The following DOK6 variants were observed in gnomAD, a reference collection of about 807,000 sequenced individuals.
DOK6 encodes the protein docking protein 6.
A neutral mutation model predicts 44.0 loss-of-function variants in DOK6; 22 were observed. That is an observed-to-expected ratio of 0.50 (90% CI 0.36 to 0.71). The LOEUF (loss-of-function observed/expected upper bound fraction) is 0.71, where lower values mean the gene tolerates loss of function less well. Among genes scored for constraint, DOK6 ranks in the 30% least tolerant of loss-of-function variants. The pLI is 0.00. For synonymous variants in DOK6, 166 were observed against 145.5 expected, an observed-to-expected ratio of 1.14 and a Z score of -1.01; for missense variants, 340 against 416.4, an observed-to-expected ratio of 0.82 and a Z score of 1.60.
At chr18:69,490,031 A>G (rs930556284) in intron 1 of DOK6, among the ~76,000 whole-genome samples, 9 of 152,186 alleles carry the variant, frequency 5.9e-5, no homozygotes, top group African/African-American at 2.2e-4. Context: ...TTACATATTC[A>G]GAAGACATGC....
intron 1 of DOK6, among the ~76,000 whole-genome samples, chr18:69,460,001 T>A (rs2122473081): frequency 6.6e-6 from 1 of 152,348 alleles, no homozygotes; most frequent in African/African-American, 2.4e-5. Context: ...CCAATTTATC[T>A]CATTAGTCGT....
chr18:69,585,542 C>A (rs1223822553), intron 2 of DOK6, among the ~76,000 whole-genome samples: 2 of 152,140 alleles, frequency 1.3e-5, no homozygotes, highest in African/African-American at 4.8e-5. Flanking sequence ...ACTTCCATAT[C>A]TTTGCTTATG....
At chr18:69,693,958 C>A (rs568950669) in intron 4 of DOK6, among the ~76,000 whole-genome samples, 2,409 of 144,260 alleles carry the variant, frequency 0.017, 34 homozygotes, top group Non-Finnish European at 0.026. Context: ...ACTCGGGAGG[C>A]TGAGGCAGGA....
intron 1 of DOK6, among the ~76,000 whole-genome samples, chr18:69,545,240 C>T (rs1302883541): frequency 6.6e-6 from 1 of 150,972 alleles, no homozygotes; most frequent in African/African-American, 2.4e-5. Context: ...AAGCTGGGAA[C>T]TTGAAGGGTG....
chr18:69,563,186 C>T (rs1982881633), intron 1 of DOK6, among the ~76,000 whole-genome samples: 1 of 152,232 alleles, frequency 6.6e-6, no homozygotes, highest in South Asian at 2.1e-4. Context: ...AATAGGAACA[C>T]TTTTACACTG....
chr18:69,594,549 A>G (rs1252942672), intron 2 of DOK6, among the ~76,000 whole-genome samples: 1 of 150,940 alleles, frequency 6.6e-6, no homozygotes, highest in Non-Finnish European at 1.5e-5. Context: ...CACCCCTCCT[A>G]TTCTACATAG....
At chr18:69,694,887 T>G (rs575747894) in intron 4 of DOK6, among the ~76,000 whole-genome samples, 3 of 152,212 alleles carry the variant, frequency 2.0e-5, no homozygotes, top group Non-Finnish European at 4.4e-5. Flanking sequence ...AATACACATA[T>G]CTTGATAAAT....
chr18:69,443,187 GGTT>G (rs1979184339), intron 1 of DOK6, among the ~76,000 whole-genome samples: 1 of 152,130 alleles, frequency 6.6e-6, no homozygotes, highest in South Asian at 2.1e-4. Flanking sequence ...TGACGTTCCA[GGTT>G]GTTAATTTGA....
At chr18:69,515,563 T>A (rs1013890571) in intron 1 of DOK6, among the ~76,000 whole-genome samples, 2 of 152,228 alleles carry the variant, frequency 1.3e-5, no homozygotes, top group Non-Finnish European at 2.9e-5. Flanking sequence ...TTTAATATTA[T>A]TTCTTTCTGC....
intron 3 of DOK6, among the ~76,000 whole-genome samples, chr18:69,614,780 T>C (rs1984246425): frequency 6.6e-6 from 1 of 151,626 alleles, no homozygotes; most frequent in Admixed American, 6.6e-5. Context: ...ATTAACATTA[T>C]AATAAATAAT....
intron 3 of DOK6, among the ~76,000 whole-genome samples, chr18:69,677,050 C>G (rs1713083702): frequency 6.6e-6 from 1 of 151,948 alleles, no homozygotes; most frequent in African/African-American, 2.4e-5. Context: ...AATTCTACCC[C>G]AATTTTTTTA....
chr18:69,706,252 G>A (rs568590748), intron 5 of DOK6, among the ~76,000 whole-genome samples: 38 of 152,294 alleles, frequency 2.5e-4, no homozygotes, highest in Non-Finnish European at 4.9e-4. Flanking sequence ...AGATGGGGGT[G>A]CATCTCCCTT....
At chr18:69,706,227 G>A (rs747153733) in intron 5 of DOK6, among the ~76,000 whole-genome samples, 5 of 152,136 alleles carry the variant, frequency 3.3e-5, no homozygotes, top group Non-Finnish European at 5.9e-5. Flanking sequence ...CACCCTCTCT[G>A]TTACAGAAAC....
rs961894446 is a variant in DOK6 at position 69,845,154 on chromosome 18, A to G, written c.*3771A>G. On this transcript the variant is annotated 3_prime_UTR_variant, in exon 8 of 8. Transcript: ENST00000382713. The stretch of plus-strand genomic sequence containing the variant: ...TTTGAGCCATTTACTAAAATTGGCC[A>G]TTAGTGATACAGTGAAAACAAGCTA... 1 of 152,246 alleles carries G rather than the reference A, an allele frequency of 6.6e-6. No homozygotes were observed. The highest frequency in any genetic ancestry group is 1.9e-4 in the East Asian group (1 of 5,204). 9.4% of individuals were successfully genotyped at this position (152,246 alleles called of 1,614,324 possible). A position where few individuals can be genotyped will look rare whatever the true frequency, so the allele number is the denominator to read the frequency against.
At chr18:69,496,177 C>A (rs186433336) in intron 1 of DOK6, among the ~76,000 whole-genome samples, 402 of 152,346 alleles carry the variant, frequency 2.6e-3, no homozygotes, top group African/African-American at 8.8e-3. Context: ...CCAGGCCCCC[C>A]ACTTTGAGAT....
intron 5 of DOK6, among the ~76,000 whole-genome samples, chr18:69,737,285 A>G (rs1978642793): frequency 6.6e-6 from 1 of 152,172 alleles, no homozygotes; most frequent in African/African-American, 2.4e-5. Context: ...AGAAGGTGAA[A>G]CGGAAGCAGG....
chr18:69,724,256 T>C (rs1978295594), intron 5 of DOK6, among the ~76,000 whole-genome samples: 2 of 152,178 alleles, frequency 1.3e-5, no homozygotes, highest in Admixed American at 1.3e-4. Context: ...CAAAACTTTT[T>C]ATGATGGAGT....
chr18:69,729,552 G>A (rs1372762937), intron 5 of DOK6, among the ~76,000 whole-genome samples: 1 of 151,990 alleles, frequency 6.6e-6, no homozygotes, highest in Admixed American at 6.6e-5. Flanking sequence ...ACAGGAGGTG[G>A]GAAACTATCT....
intron 1 of DOK6, among the ~76,000 whole-genome samples, chr18:69,538,570 T>C (rs1025790177): frequency 3.3e-5 from 5 of 152,070 alleles, no homozygotes; most frequent in Non-Finnish European, 7.4e-5. Context: ...TTGGTAGAGA[T>C]AGGAGTCTCA....
Sources: gnomAD v4.1 joint callset for allele counts (sites outside exome capture counted in the v4.1 genomes callset) on GRCh38, gnomAD v4.1.1 for gene constraint, MANE v1.5 for transcripts, NCBI Gene and HGNC (gene_info 2026-07-23, HGNC 2026-07-21) for gene names.